Variants in SNX5 observed in about 807,000 individuals in gnomAD.
SNX5 encodes the protein sorting nexin 5, also known as sorting nexin-5.
SNX5 carries 31 observed loss-of-function variants against 53.9 expected under a neutral mutation model. That is an observed-to-expected ratio of 0.58 (90% CI 0.43 to 0.78). The LOEUF is 0.78. Among genes scored for constraint, SNX5 ranks in the 30% least tolerant of loss-of-function variants. The pLI is 0.00. For synonymous variants in SNX5, 168 were observed against 171.1 expected, an observed-to-expected ratio of 0.98 and a Z score of 0.14; for missense variants, 471 against 478.8, an observed-to-expected ratio of 0.98 and a Z score of 0.15.
chr20:17,942,361 T>C lies in SNX5; in HGVS notation c.1211A>G (p.Asn404Ser). The C allele has an allele frequency of 6.2e-7, 1 of 1,604,528 alleles. No homozygotes were observed. The highest frequency in any genetic ancestry group is 2.2e-5 in the East Asian group (1 of 44,832). ...LQSCIDLFKN[N>S] Reference sequence around the variant, plus strand: ...TTTCTTCTGAGTGAAGGCATATCAGTTATTCTTGAACAAGTCAATACAGCT... The same window carrying C: ...TTTCTTCTGAGTGAAGGCATATCAGCTATTCTTGAACAAGTCAATACAGCT... The change falls in exon 13 of 13, where the codon AAC (asparagine) becomes AGC (serine). Residue 404 changes from asparagine (N) to serine (S), a missense_variant. Coordinates refer to ENST00000377759, the MANE Select transcript of SNX5 (RefSeq NM_014426.4).
intron 10 of SNX5, among the ~76,000 whole-genome samples, chr20:17,948,592 C>T (rs2039519428): frequency 6.6e-6 from 1 of 152,232 alleles, no homozygotes; most frequent in African/African-American, 2.4e-5. Context: ...TCAAAGGCTG[C>T]AGGGATACTT....
rs749510507 is a variant in SNX5, at chr20:17,951,647, C to G, written c.514-52G>C. On this transcript the variant is annotated intron_variant, in intron 5 of 12. Coordinates refer to ENST00000377759, the MANE Select transcript of SNX5 (RefSeq NM_014426.4). ...TATATGGTATGGATTTTTCTAGATT[C>G]TCTTAAAGAAGTTCTGAGTAACATT... The G allele has an allele frequency of 7.2e-6, 9 of 1,242,964 alleles. No individual in the cohort carries two copies. In the Admixed American group the frequency reaches 1.6e-4, roughly 21 times the overall value. The allele number at this position is 1,242,964 out of a possible 1,614,324, so 77.0% of individuals were successfully genotyped here.
chr20:17,943,914 G>C (rs962377336), intron 11 of SNX5: 1 of 152,242 alleles, frequency 6.6e-6, no homozygotes, highest in Admixed American at 6.5e-5. Flanking sequence ...GTTCACTGCA[G>C]CATTATTTAC....
intron 11 of SNX5, among the ~76,000 whole-genome samples, chr20:17,946,394 G>C (rs1013048173): frequency 1.3e-5 from 2 of 152,222 alleles, no homozygotes; most frequent in African/African-American, 4.8e-5. Flanking sequence ...CAGAGAGTAA[G>C]ATTAGCATGG....
chr20:17,968,364 G>A lies in SNX5; in HGVS notation c.51+11C>T, dbSNP rs1315649595. 1 of 1,267,654 alleles carries A rather than the reference G, an allele frequency of 7.9e-7. No homozygotes were observed. The highest frequency in any genetic ancestry group is 3.4e-5 in the South Asian group (1 of 29,054). 78.5% of individuals were successfully genotyped at this position (1,267,654 alleles called of 1,614,324 possible). ...CGCCCGCCCAGGAGTCTGAGGCTGG[G>A]AGGACCTCACCTTGCTGCGGTCCTC... On this transcript the variant is annotated intron_variant, in intron 1 of 12. Transcript: ENST00000377759.
intron 11 of SNX5, 188 bp downstream of exon 11, chr20:17,947,298 G>T (rs980108055): frequency 5.2e-6 from 3 of 578,634 alleles, no homozygotes; most frequent in Admixed American, 6.8e-5. Context: ...AGAAAAACCA[G>T]GTGTGTAACG....
intron 6 of SNX5, 98 bp from the exon 7 acceptor site, chr20:17,950,494 G>C: frequency 1.5e-6 from 1 of 680,736 alleles, no homozygotes; most frequent in Non-Finnish European, 2.5e-6. Flanking sequence ...TTAGAACATG[G>C]CATATAAACG....
chr20:17,954,916 T>C (rs55981157), intron 3 of SNX5, among the ~76,000 whole-genome samples: 1 of 152,146 alleles, frequency 6.6e-6, no homozygotes, highest in East Asian at 1.9e-4. Flanking sequence ...CTCATCATGT[T>C]GCCCAGGCAC....
intron 11 of SNX5, among the ~76,000 whole-genome samples, chr20:17,946,032 C>T (rs919177944): frequency 1.3e-5 from 2 of 152,170 alleles, no homozygotes; most frequent in African/African-American, 4.8e-5. Context: ...TGACATGTTC[C>T]ATGGCCCCTG....
At chr20:17,942,613 A>G (rs2039432586) in intron 12 of SNX5, 2 of 593,300 alleles carry the variant, frequency 3.4e-6, no homozygotes, top group Non-Finnish European at 6.0e-6. Flanking sequence ...TCAGTGGGTA[A>G]GGCTACCAGC....
rs768213203 is a variant in SNX5, at chr20:17,968,609, G to A, written c.-184C>T. ...CATCCCAGCTGCCCCGGGAGCAGGCGAGCAGGGCGCCACGTGCTCCCCCAG... is the reference window on the plus strand; with the variant it reads ...CATCCCAGCTGCCCCGGGAGCAGGCAAGCAGGGCGCCACGTGCTCCCCCAG... On this transcript the variant is annotated 5_prime_UTR_variant, in exon 1 of 13. Coordinates refer to ENST00000377759, the MANE Select transcript of SNX5 (RefSeq NM_014426.4). 1.3e-5 allele frequency: 8 copies of A among 635,436 alleles called. No homozygotes were observed. Among genetic ancestry groups the A allele is most frequent in the South Asian group, 6.5e-5 (4 of 61,378 alleles). The allele number at this position is 635,436 out of a possible 1,614,324, so 39.4% of individuals were successfully genotyped here.
At chr20:17,960,011 G>A (rs1472153329) in intron 1 of SNX5, among the ~76,000 whole-genome samples, 3 of 152,156 alleles carry the variant, frequency 2.0e-5, no homozygotes, top group East Asian at 1.9e-4. Context: ...TACAGTGGCC[G>A]TTTACAACAG....
chr20:17,967,748 CAA>C, intron 1 of SNX5: 1 of 253,608 alleles, frequency 3.9e-6, no homozygotes, highest in Non-Finnish European at 7.4e-6. Context: ...TTTTAGACCT[CAA>C]GATACACGTG....
At chr20:17,960,212 G>C (rs930212050) in intron 1 of SNX5, among the ~76,000 whole-genome samples, 24 of 152,328 alleles carry the variant, frequency 1.6e-4, no homozygotes, top group Middle Eastern at 3.4e-3. Context: ...TGCAATCCCA[G>C]CAATTTGGGA....
chr20:17,968,608 C>G lies in SNX5; in HGVS notation c.-183G>C, dbSNP rs1435104516. 1.6e-6 allele frequency: 1 copy of G among 634,584 alleles called. No homozygotes were observed. The highest frequency in any genetic ancestry group is 2.4e-5 in the Admixed American group (1 of 41,030). The allele number at this position is 634,584 out of a possible 1,614,324, so 39.3% of individuals were successfully genotyped here. ...CCATCCCAGCTGCCCCGGGAGCAGG[C>G]GAGCAGGGCGCCACGTGCTCCCCCA... is the stretch of plus-strand genomic sequence containing the variant. On this transcript the variant is annotated 5_prime_UTR_variant, in exon 1 of 13. Transcript: ENST00000377759.
chr20:17,950,641 C>T (rs1177805175), intron 6 of SNX5, among the ~76,000 whole-genome samples: 1 of 152,180 alleles, frequency 6.6e-6, no homozygotes, highest in Non-Finnish European at 1.5e-5. Flanking sequence ...AAAACTGGCA[C>T]CCTAAGACAC....
intron 1 of SNX5, among the ~76,000 whole-genome samples, chr20:17,967,089 G>C (rs975326611): frequency 1.3e-5 from 2 of 152,106 alleles, no homozygotes; most frequent in East Asian, 3.9e-4. Context: ...GGAGGATCAG[G>C]GTGGTGGAAG....
At chr20:17,965,580 G>T (rs535571956) in intron 1 of SNX5, among the ~76,000 whole-genome samples, 1 of 150,412 alleles carries the variant, frequency 6.6e-6, no homozygotes, top group Non-Finnish European at 1.5e-5. Context: ...TGAGGTGGGG[G>T]TGATCACCTG....
chr20:17,954,257 T>C (rs1030294529), intron 3 of SNX5, 140 bp from the exon 4 acceptor site: 17 of 1,375,408 alleles, frequency 1.2e-5, no homozygotes, highest in Non-Finnish European at 1.6e-5. Flanking sequence ...CTCCTGTTTT[T>C]TCTTAACCTT....
Sources: allele counts gnomAD v4.1 joint callset (sites outside exome capture counted in the v4.1 genomes callset), GRCh38; gene constraint gnomAD v4.1.1; transcripts MANE v1.5; gene names NCBI Gene and HGNC (gene_info 2026-07-23, HGNC 2026-07-21).